The following SIX3 variants were observed in gnomAD, a reference collection of about 807,000 sequenced individuals.
The protein encoded by SIX3 is homeobox protein SIX3.
In SIX3, 2 loss-of-function variants were observed where a neutral mutation model predicts 21.7. The ratio of observed to expected loss-of-function variants is 0.09; its 90% CI spans 0.04 to 0.29. The LOEUF (loss-of-function observed/expected upper bound fraction) is 0.29, where lower values mean the gene tolerates loss of function less well. SIX3 is among the 10% of genes least tolerant of loss of function. SIX3 has a pLI of 1.00. For missense variants in SIX3, 347 were observed against 480.7 expected (o/e 0.72, Z 2.60); for synonymous variants, 243 against 220.6 (o/e 1.10, Z -0.90).
rs1202377952 is a variant in SIX3 at position 44,944,771 on chromosome 2, C to T, written c.*11C>T. 3 of 1,570,970 alleles carry T rather than the reference C, an allele frequency of 1.9e-6. No individual in the cohort carries two copies. Among genetic ancestry groups the T allele is most frequent in the African/African-American group, 2.7e-5 (2 of 74,088 alleles). On this transcript the variant is annotated 3_prime_UTR_variant, in exon 2 of 2. Coordinates refer to ENST00000260653, the MANE Select transcript of SIX3 (RefSeq NM_005413.4). Reference sequence around the variant, plus strand: ...GAATGTGATGTATGATAGCCAAGGCCGCCCTCCTCCCTCTCCTTCCCCTCC... The same window carrying T: ...GAATGTGATGTATGATAGCCAAGGCTGCCCTCCTCCCTCTCCTTCCCCTCC...
In SIX3 at chr2:44,942,272, CGGCGGTGCT is replaced by C; in HGVS notation, c.174_182del (p.Ala62_Gly64del). On this transcript the variant is annotated inframe_deletion, in exon 1 of 2. Transcript: ENST00000260653. The surrounding 1 kb of genome is among the most constrained non-coding windows in gnomAD (Gnocchi z 8.4). ...GCGGCGGCGGGAACGGTGCGGGAGGCGGCGGTGCTGGCGGAGCAGGCGGCGGCGGCGGCG... is the reference window on the plus strand; with the variant it reads ...GCGGCGGCGGGAACGGTGCGGGAGGCGGCGGAGCAGGCGGCGGCGGCGGCG... The C allele has an allele frequency of 6.5e-7, 1 of 1,539,664 alleles. No individual in the cohort carries two copies. The highest frequency in any genetic ancestry group is 8.7e-7 in the Non-Finnish European group (1 of 1,149,616).
Position 44,942,220 on chromosome 2 carries a change from G to A in SIX3, c.116G>A (p.Gly39Glu). Residue 39 changes from glycine (G) to glutamate (E), a missense_variant, in exon 1 of 2, where the codon GGA becomes GAA. This residue lies in a region of SIX3 where 105 missense variants were observed against 116.1 expected (regional missense o/e 0.90). Coordinates refer to ENST00000260653, the MANE Select transcript of SIX3 (RefSeq NM_005413.4). The surrounding 1 kb of genome is among the most constrained non-coding windows in gnomAD (Gnocchi z 8.4). ...AGTAGCGGCGGCGGGAACGGTGCGGGAGGCGGCGGCGGCGCGGGAGGCGGC... is the reference window on the plus strand; with the variant it reads ...AGTAGCGGCGGCGGGAACGGTGCGGAAGGCGGCGGCGGCGCGGGAGGCGGC... ...LASSGGGNGA[G>E]GGGGAGGGSG... 3 of 1,588,268 alleles carry A rather than the reference G, an allele frequency of 1.9e-6. No homozygotes were observed. The South Asian group carries it at 3.3e-5, about 18-fold the overall frequency.
Position 44,942,923 on chromosome 2 carries a change from G to A in SIX3, c.806+13G>A. ...CGGCCAAGAACAGGTTAGTGGCGGGGCCCGCGGCCTGGCTACAGCCTCAGA... is the reference window on the plus strand; with the variant it reads ...CGGCCAAGAACAGGTTAGTGGCGGGACCCGCGGCCTGGCTACAGCCTCAGA... On this transcript the variant is annotated intron_variant, in intron 1 of 1. Transcript: ENST00000260653. This position sits in a 1 kb window ranked among gnomAD's most constrained non-coding sequence, Gnocchi z 8.4. 6.3e-7 allele frequency: 1 copy of A among 1,594,798 alleles called. No individual in the cohort carries two copies. The highest frequency in any genetic ancestry group is 1.1e-5 in the South Asian group (1 of 90,592).
chr2:44,944,563 C>T lies in SIX3; in HGVS notation c.807-5C>T, dbSNP rs1666650867. The T allele has an allele frequency of 6.4e-7, 1 of 1,569,146 alleles. No individual in the cohort carries two copies. The highest frequency in any genetic ancestry group is 8.6e-7 in the Non-Finnish European group (1 of 1,164,672). ...AGGGCGGGCGCGGATCTCTTTCTCCCGCAGGCTCCAGCACCAGGCCATTGG... is the reference window on the plus strand; with the variant it reads ...AGGGCGGGCGCGGATCTCTTTCTCCTGCAGGCTCCAGCACCAGGCCATTGG... On this transcript the variant is annotated splice_region_variant and splice_polypyrimidine_tract_variant and intron_variant, in intron 1 of 1. Coordinates refer to ENST00000260653, the MANE Select transcript of SIX3 (RefSeq NM_005413.4).
intron 1 of SIX3, among the ~76,000 whole-genome samples, chr2:44,943,300 C>T (rs773315323): frequency 3.3e-5 from 5 of 152,238 alleles, no homozygotes; most frequent in Non-Finnish European, 7.3e-5. Flanking sequence ...CTGTGCGTTG[C>T]AAAACCCCGA....
chr2:44,945,803 G>A lies in SIX3; in HGVS notation c.*1043G>A, dbSNP rs1379596187. The stretch of plus-strand genomic sequence containing the variant: ...GCTCAACTGTCTCTTTTCTTTTTGG[G>A]GTTCTCCTCCCACTCGGTGCTCCTG... On this transcript the variant is annotated 3_prime_UTR_variant, in exon 2 of 2. Coordinates refer to ENST00000260653, the MANE Select transcript of SIX3 (RefSeq NM_005413.4). The A allele has an allele frequency of 1.3e-5, 2 of 151,836 alleles. No individual in the cohort carries two copies. The highest frequency in any genetic ancestry group is 1.3e-4 in the Admixed American group (2 of 15,238). The allele number at this position is 151,836 out of a possible 1,614,324, so 9.4% of individuals were successfully genotyped here.
rs773045257 is a variant in SIX3, at chr2:44,942,215, T to TGCGGGAGGCGGCGGCGGC, written c.124_141dup (p.Gly42_Gly47dup). The TGCGGGAGGCGGCGGCGGC allele has an allele frequency of 6.3e-7, 1 of 1,588,788 alleles. No homozygotes were observed. The highest frequency in any genetic ancestry group is 1.1e-5 in the South Asian group (1 of 90,094). Reference sequence around the variant, plus strand: ...TGGCGAGTAGCGGCGGCGGGAACGGTGCGGGAGGCGGCGGCGGCGCGGGAG... The same window carrying TGCGGGAGGCGGCGGCGGC: ...TGGCGAGTAGCGGCGGCGGGAACGGTGCGGGAGGCGGCGGCGGCGCGGGAGGCGGCGGCGGCGCGGGAG... On this transcript the variant is annotated inframe_insertion, in exon 1 of 2. Transcript: ENST00000260653. This position sits in a 1 kb window ranked among gnomAD's most constrained non-coding sequence, Gnocchi z 8.4.
intron 1 of SIX3, 149 bp downstream of exon 1, chr2:44,943,059 G>C: frequency 7.5e-7 from 1 of 1,330,400 alleles, no homozygotes; most frequent in South Asian, 1.5e-5. Context: ...TCCGGGACGC[G>C]CGGAAGAGGG....
rs1666577248 is a variant in SIX3, at chr2:44,941,881, C to T, written c.-224C>T. Reference sequence around the variant, plus strand: ...GCGCACCGGGCCGCTCTCCTACCTCCCTCTCTATGTGGCTGCGCGGGTGTG... The same window carrying T: ...GCGCACCGGGCCGCTCTCCTACCTCTCTCTCTATGTGGCTGCGCGGGTGTG... On this transcript the variant is annotated 5_prime_UTR_variant, in exon 1 of 2. Transcript: ENST00000260653. 5 of 450,064 alleles carry T rather than the reference C, an allele frequency of 1.1e-5. No individual in the cohort carries two copies. The South Asian group carries it at 1.3e-4, about 12-fold the overall frequency. 27.9% of individuals were successfully genotyped at this position (450,064 alleles called of 1,614,324 possible).
At chr2:44,944,241 G>A (rs1481455809) in intron 1 of SIX3, among the ~76,000 whole-genome samples, 1 of 152,242 alleles carries the variant, frequency 6.6e-6, no homozygotes, top group East Asian at 1.9e-4. Context: ...AGCTCCCGGT[G>A]TGTGTTTGAG....
chr2:44,943,466 AGCGTGT>A (rs754680376), intron 1 of SIX3, among the ~76,000 whole-genome samples: 6 of 152,316 alleles, frequency 3.9e-5, no homozygotes, highest in South Asian at 2.1e-4. Flanking sequence ...GGAGAGGCCT[AGCGTGT>A]GCGTGTGCGT....
Position 44,942,484 on chromosome 2 carries a change from A to C in SIX3, c.380A>C (p.Lys127Thr). The C allele has an allele frequency of 6.3e-7, 1 of 1,598,172 alleles. No homozygotes were observed. The highest frequency in any genetic ancestry group is 8.5e-7 in the Non-Finnish European group (1 of 1,179,706). Reference protein sequence around the residue: ...VAPGACEAINKHESILRARAV... With the variant: ...VAPGACEAINTHESILRARAV... ...CCCGGGGCGTGCGAGGCCATCAACA[A>C]ACACGAGTCGATCCTGCGCGCGCGC... The change falls in exon 1 of 2, where the codon AAA becomes ACA. Residue 127 changes from lysine to threonine, a missense_variant. Lys to Thr is a moderately conservative substitution (Grantham distance 78). Coordinates refer to ENST00000260653, the MANE Select transcript of SIX3 (RefSeq NM_005413.4). This position sits in a 1 kb window ranked among gnomAD's most constrained non-coding sequence, Gnocchi z 8.4.
chr2:44,944,044 C>G (rs778735418), intron 1 of SIX3, among the ~76,000 whole-genome samples: 1 of 152,252 alleles, frequency 6.6e-6, no homozygotes, highest in Admixed American at 6.5e-5. Flanking sequence ...GAAAGGGCAG[C>G]TGGAGACTGC....
Position 44,945,005 on chromosome 2 carries a change from C to A in SIX3, c.*245C>A. 1.7e-6 allele frequency: 1 copy of A among 578,672 alleles called. No homozygotes were observed. Among genetic ancestry groups the A allele is most frequent in the Non-Finnish European group, 3.1e-6 (1 of 323,176 alleles). The allele number at this position is 578,672 out of a possible 1,614,324, so 35.8% of individuals were successfully genotyped here. ...ATCAACAACCCCCAACCACCATCTA[C>A]CACTACGGCCACCCCAAAGGACCCC... On this transcript the variant is annotated 3_prime_UTR_variant, in exon 2 of 2. Transcript: ENST00000260653.
chr2:44,945,075 TAA>T lies in SIX3; in HGVS notation c.*318_*319del, dbSNP rs1255268654. ...ACGCTGATGTTGCGGGCAGAAAACA[TAA>T]AAGAGGTGACAATTGTATACTTTCT... On this transcript the variant is annotated 3_prime_UTR_variant, in exon 2 of 2. Transcript: ENST00000260653. 4.3e-6 allele frequency: 2 copies of T among 463,724 alleles called. No individual in the cohort carries two copies. Among genetic ancestry groups the T allele is most frequent in the Non-Finnish European group, 7.8e-6 (2 of 255,540 alleles). 28.7% of individuals were successfully genotyped at this position (463,724 alleles called of 1,614,324 possible). A position where few individuals can be genotyped will look rare whatever the true frequency, so the allele number is the denominator to read the frequency against.
chr2:44,944,537 C>G (rs1241845397), intron 1 of SIX3, 31 bp from the exon 2 acceptor site: 1 of 1,549,708 alleles, frequency 6.5e-7, no homozygotes, highest in Admixed American at 1.8e-5. Context: ...GCCTCTGTGT[C>G]AGGGCGGGCG....
rs186367004 is a variant in SIX3, at chr2:44,941,775, C to G, written c.-330C>G. On this transcript the variant is annotated 5_prime_UTR_variant, in exon 1 of 2. It adds an upstream start codon to the 5' untranslated region. Coordinates refer to ENST00000260653, the MANE Select transcript of SIX3 (RefSeq NM_005413.4). ...GGCGATTGCGGTGGAATCGCTGAAT[C>G]TTGACTCGGCGGTGGTTGGCTCTCC... is the stretch of plus-strand genomic sequence containing the variant. 6.1e-6 allele frequency: 2 copies of G among 326,526 alleles called. No individual in the cohort carries two copies. Among genetic ancestry groups the G allele is most frequent in the Admixed American group, 4.1e-5 (1 of 24,484 alleles). The allele number at this position is 326,526 out of a possible 1,614,324, so 20.2% of individuals were successfully genotyped here. A position where few individuals can be genotyped will look rare whatever the true frequency, so the allele number is the denominator to read the frequency against.
chr2:44,944,097 T>C (rs1666639160), intron 1 of SIX3, among the ~76,000 whole-genome samples: 1 of 152,210 alleles, frequency 6.6e-6, no homozygotes, highest in African/African-American at 2.4e-5. Flanking sequence ...CTTTTCTGTC[T>C]CCCTGCTCTT....
intron 1 of SIX3, 103 bp downstream of exon 1, chr2:44,943,013 C>T: frequency 1.4e-6 from 2 of 1,466,942 alleles, no homozygotes; most frequent in Non-Finnish European, 1.8e-6. Flanking sequence ...CCAGGGAAGC[C>T]GTGACTCCTG....
Sources: gnomAD v4.1 joint callset for allele counts (sites outside exome capture counted in the v4.1 genomes callset) on GRCh38, gnomAD v4.1.1 for gene constraint, gnomAD v4.1.1 regional missense constraint, Gnocchi (gnomAD v3.1) non-coding constraint, MANE v1.5 for transcripts, NCBI Gene and HGNC (gene_info 2026-07-23, HGNC 2026-07-21) for gene names.